The following GIMAP1 variants were observed in gnomAD, a reference collection of about 807,000 sequenced individuals.
GIMAP1 encodes the protein GTPase, IMAP family member 1.
For synonymous variants in GIMAP1, 230 were observed against 187.7 expected (o/e 1.23, Z -1.84); for missense variants, 423 against 411.9 (o/e 1.03, Z -0.23).
At position 150,720,232 on chromosome 7, in the gene GIMAP1, C is replaced by T. The variant is rs755995652; in HGVS notation, c.228C>T (p.Cys76=). The T allele has an allele frequency of 6.2e-7, 1 of 1,614,200 alleles. No individual in the cohort carries two copies. The highest frequency in any genetic ancestry group is 1.1e-5 in the South Asian group (1 of 91,084). The change falls in exon 3 of 3, where the codon TGC becomes TGT. Residue 76 remains cysteine (C), a synonymous_variant. Coordinates refer to ENST00000307194, the MANE Select transcript of GIMAP1 (RefSeq NM_130759.4). The surrounding 1 kb of genome is among the most constrained non-coding windows in gnomAD (Gnocchi z 4.5). ...CTTGSRRWDK[C]HVEVVDTPDI... The stretch of plus-strand genomic sequence containing the variant: ...CGGGCAGCCGCAGGTGGGACAAGTG[C>T]CACGTGGAAGTCGTGGACACTCCGG...
Position 150,720,772 on chromosome 7 carries a change from G to C in GIMAP1, c.768G>C (p.Trp256Cys). ...CAGCCAGGGTGCAGAGGAGGCCATGGGGCGCCTGGCTGTCGGCCCGGCTGT... is the reference window on the plus strand; with the variant it reads ...CAGCCAGGGTGCAGAGGAGGCCATGCGGCGCCTGGCTGTCGGCCCGGCTGT... ...RVAARVQRRPWGAWLSARLWK... is the reference protein window; with the variant it reads ...RVAARVQRRPCGAWLSARLWK... The change falls in exon 3 of 3, where the codon TGG becomes TGC. Residue 256 changes from tryptophan to cysteine, a missense_variant. Trp to Cys is a radical substitution (Grantham distance 215, BLOSUM62 -2). Transcript: ENST00000307194. This position sits in a 1 kb window ranked among gnomAD's most constrained non-coding sequence, Gnocchi z 4.5. 2 of 1,573,284 alleles carry C rather than the reference G, an allele frequency of 1.3e-6. No individual in the cohort carries two copies. Among genetic ancestry groups the C allele is most frequent in the Non-Finnish European group, 1.7e-6 (2 of 1,160,166 alleles).
rs887834902 is a variant in GIMAP1 at position 150,723,296 on chromosome 7, A to C, written c.*2371A>C. The C allele has an allele frequency of 1.3e-5, 2 of 152,152 alleles. No individual in the cohort carries two copies. The highest frequency in any genetic ancestry group is 4.8e-5 in the African/African-American group (2 of 41,434). The allele number at this position is 152,152 out of a possible 1,614,324, so 9.4% of individuals were successfully genotyped here. ...AGTGGGATCAACAAATGTTTGGAAA[A>C]TGAATTGTAAAGTTGACTTTCCTGT... On this transcript the variant is annotated 3_prime_UTR_variant, in exon 3 of 3. Transcript: ENST00000307194.
In GIMAP1 at chr7:150,720,025, G is replaced by A; in HGVS notation, c.44-23G>A. The stretch of plus-strand genomic sequence containing the variant: ...GGGGAAGTTGGTTAAACTTAAGTAA[G>A]ATTATAACACTTGGTCTCACAGGTT... On this transcript the variant is annotated intron_variant, in intron 2 of 2. Coordinates refer to ENST00000307194, the MANE Select transcript of GIMAP1 (RefSeq NM_130759.4). The surrounding 1 kb of genome is among the most constrained non-coding windows in gnomAD (Gnocchi z 4.5). 1.3e-6 allele frequency: 2 copies of A among 1,541,530 alleles called. No individual in the cohort carries two copies. The highest frequency in any genetic ancestry group is 1.7e-6 in the Non-Finnish European group (2 of 1,143,166).
In GIMAP1 at chr7:150,720,248, G is replaced by A. The variant is rs1318192766; in HGVS notation, c.244G>A (p.Asp82Asn). The A allele has an allele frequency of 6.2e-7, 1 of 1,614,182 alleles. No homozygotes were observed. ...RWDKCHVEVV[D>N]TPDIFSSQVS... ...GGACAAGTGCCACGTGGAAGTCGTG[G>A]ACACTCCGGACATTTTCAGCTCCCA... The change falls in exon 3 of 3, where the codon GAC becomes AAC. Residue 82 changes from aspartate to asparagine, a missense_variant. Coordinates refer to ENST00000307194, the MANE Select transcript of GIMAP1 (RefSeq NM_130759.4). This position sits in a 1 kb window ranked among gnomAD's most constrained non-coding sequence, Gnocchi z 4.5.
In GIMAP1 at chr7:150,720,559, C is replaced by A. The variant is rs1797284078; in HGVS notation, c.555C>A (p.Val185=). 1 of 1,613,394 alleles carries A rather than the reference C, an allele frequency of 6.2e-7. No homozygotes were observed. The highest frequency in any genetic ancestry group is 2.2e-5 in the East Asian group (1 of 44,874). The change falls in exon 3 of 3, where the codon GTC becomes GTA. Residue 185 remains valine (V), a synonymous_variant. Transcript: ENST00000307194. The surrounding 1 kb of genome is among the most constrained non-coding windows in gnomAD (Gnocchi z 4.5). The part of the protein sequence containing the change: ...RELVAECGGR[V]CAFDNRATGR... ...TGGTGGCCGAGTGCGGGGGCCGGGT[C>A]TGTGCCTTTGATAACCGGGCCACCG...
In GIMAP1 at chr7:150,720,615, T is replaced by G. The variant is rs778181702; in HGVS notation, c.611T>G (p.Leu204Arg). The G allele has an allele frequency of 1.9e-6, 3 of 1,613,610 alleles. No homozygotes were observed. Among genetic ancestry groups the G allele is most frequent in the Non-Finnish European group, 2.5e-6 (3 of 1,179,738 alleles). ...GAGCAGGAAGCCCAGGTGGAGCAGCTGCTGGGGATGGTCGAGGGCTTGGTG... is the reference window on the plus strand; with the variant it reads ...GAGCAGGAAGCCCAGGTGGAGCAGCGGCTGGGGATGGTCGAGGGCTTGGTG... ...GREQEAQVEQLLGMVEGLVLE... is the reference protein window; with the variant it reads ...GREQEAQVEQRLGMVEGLVLE... The change falls in exon 3 of 3, where the codon CTG becomes CGG. Residue 204 changes from leucine to arginine, a missense_variant. Coordinates refer to ENST00000307194, the MANE Select transcript of GIMAP1 (RefSeq NM_130759.4). This position sits in a 1 kb window ranked among gnomAD's most constrained non-coding sequence, Gnocchi z 4.5.
Position 150,720,486 on chromosome 7 carries a change from C to T in GIMAP1, c.482C>T (p.Ser161Phe), listed in dbSNP as rs1797282152. 7 of 1,577,224 alleles carry T rather than the reference C, an allele frequency of 4.4e-6. No homozygotes were observed. Among genetic ancestry groups the T allele is most frequent in the Admixed American group, 3.5e-5 (2 of 56,440 alleles). The change falls in exon 3 of 3, where the codon TCC becomes TTC. Residue 161 changes from serine to phenylalanine, a missense_variant. Ser to Phe is a radical substitution (Grantham distance 155). Coordinates refer to ENST00000307194, the MANE Select transcript of GIMAP1 (RefSeq NM_130759.4). This position sits in a 1 kb window ranked among gnomAD's most constrained non-coding sequence, Gnocchi z 4.5. ...AGGAAGGAGGACCTGGCCGGGGGCT[C>T]CCTGCACGATTACGTGAGCAACACA... Reference protein sequence around the residue: ...FTRKEDLAGGSLHDYVSNTEN... With the variant: ...FTRKEDLAGGFLHDYVSNTEN...
Position 150,720,820 on chromosome 7 carries a change from G to A in GIMAP1, c.816G>A (p.Arg272=), listed in dbSNP as rs778856058. 6 of 1,601,004 alleles carry A rather than the reference G, an allele frequency of 3.7e-6. No homozygotes were observed. The highest frequency in any genetic ancestry group is 5.1e-6 in the Non-Finnish European group (6 of 1,175,402). The change falls in exon 3 of 3, where the codon AGG becomes AGA. Residue 272 remains arginine (R), a synonymous_variant. Transcript: ENST00000307194. This position sits in a 1 kb window ranked among gnomAD's most constrained non-coding sequence, Gnocchi z 4.5. ...TGTGGAAGTGGCTGAAGTCCCCCAG[G>A]AGCTGGAGGCTGGGCCTGGCCCTGC... is the stretch of plus-strand genomic sequence containing the variant. The part of the protein sequence containing the change: ...ARLWKWLKSP[R]SWRLGLALLL...
At chr7:150,717,085 G>A (rs1483795157) in intron 1 of GIMAP1, among the ~76,000 whole-genome samples, 3 of 152,120 alleles carry the variant, frequency 2.0e-5, no homozygotes, top group African/African-American at 4.8e-5. Context: ...ATCTAACCTC[G>A]GAGTGAGTTA....
chr7:150,719,488 AGAGG>A (rs113605286), intron 2 of GIMAP1: 24,783 of 176,322 alleles, frequency 0.14, 2,234 homozygotes, highest in South Asian at 0.25. Flanking sequence ...AAGGAGAGAA[AGAGG>A]GAGAGAAAGA....
chr7:150,717,584 A>G (rs1265462341), intron 1 of GIMAP1, among the ~76,000 whole-genome samples: 1 of 152,130 alleles, frequency 6.6e-6, no homozygotes, highest in African/African-American at 2.4e-5. Context: ...ACTATTTAAA[A>G]TCATTTCAAC....
In GIMAP1 at chr7:150,720,822, G is replaced by C. The variant is rs1326554522; in HGVS notation, c.818G>C (p.Ser273Thr). The C allele has an allele frequency of 6.2e-7, 1 of 1,601,178 alleles. No homozygotes were observed. The highest frequency in any genetic ancestry group is 2.2e-5 in the East Asian group (1 of 44,494). Residue 273 changes from serine to threonine, a missense_variant, in exon 3 of 3, where the codon AGC becomes ACC. Physicochemically the swap from Ser to Thr is moderately conservative, Grantham distance 58. Coordinates refer to ENST00000307194, the MANE Select transcript of GIMAP1 (RefSeq NM_130759.4). This position sits in a 1 kb window ranked among gnomAD's most constrained non-coding sequence, Gnocchi z 4.5. ...RLWKWLKSPR[S>T]WRLGLALLLG... The stretch of plus-strand genomic sequence containing the variant: ...TGGAAGTGGCTGAAGTCCCCCAGGA[G>C]CTGGAGGCTGGGCCTGGCCCTGCTG...
rs542591520 is a variant in GIMAP1, at chr7:150,719,726, G to C, written c.44-322G>C. On this transcript the variant is annotated intron_variant, in intron 2 of 2. Transcript: ENST00000307194. ...GTATTGCCCCCACTGCCTGTCTCTG[G>C]GGATGGTCTCTGGGAGAATATTTCA... Among the ~76,000 whole-genome samples, 319 of 152,264 alleles carry C rather than the reference G, an allele frequency of 2.1e-3. 1 individual carries two copies. The highest frequency in any genetic ancestry group is 6.9e-3 in the African/African-American group (287 of 41,538).
In GIMAP1 at chr7:150,720,368, G is replaced by A; in HGVS notation, c.364G>A (p.Gly122Ser). The A allele has an allele frequency of 6.2e-7, 1 of 1,607,754 alleles. No homozygotes were observed. The highest frequency in any genetic ancestry group is 8.5e-7 in the Non-Finnish European group (1 of 1,176,018). Reference protein sequence around the residue: ...PHALLLVTQLGRFTAQDQQAV... With the variant: ...PHALLLVTQLSRFTAQDQQAV... ...CGCGCTGCTCCTGGTGACCCAGTTG[G>A]GTCGGTTCACCGCCCAGGACCAGCA... The change falls in exon 3 of 3, where the codon GGT (glycine) becomes AGT (serine). Residue 122 changes from glycine to serine, a missense_variant. By Grantham distance (56) the Gly-to-Ser change is moderately conservative (BLOSUM62 0). Transcript: ENST00000307194. This position sits in a 1 kb window ranked among gnomAD's most constrained non-coding sequence, Gnocchi z 4.5.
In GIMAP1 at chr7:150,721,858, TATC is replaced by T. The variant is rs1191258852; in HGVS notation, c.*934_*936del. Reference sequence around the variant, plus strand: ...AGGATATTGGGAAAATAACATATAATATCTTCTATATGGTTATTCATATTTTTA... The same window carrying T: ...AGGATATTGGGAAAATAACATATAATTTCTATATGGTTATTCATATTTTTA... On this transcript the variant is annotated 3_prime_UTR_variant, in exon 3 of 3. Transcript: ENST00000307194. 1.3e-5 allele frequency: 2 copies of T among 150,346 alleles called. No homozygotes were observed. Among genetic ancestry groups the T allele is most frequent in the East Asian group, 3.9e-4 (2 of 5,140 alleles). The allele number at this position is 150,346 out of a possible 1,614,324, so 9.3% of individuals were successfully genotyped here.
In GIMAP1 at chr7:150,720,392, C is replaced by A. The variant is rs367917043; in HGVS notation, c.388C>A (p.Gln130Lys). The A allele has an allele frequency of 2.1e-5, 34 of 1,594,226 alleles. No homozygotes were observed. The African/African-American group carries it at 2.7e-4, about 13-fold the overall frequency. The change falls in exon 3 of 3, where the codon CAG becomes AAG. Residue 130 changes from glutamine (Q) to lysine (K), a missense_variant. By Grantham distance (53) the Gln-to-Lys change is moderately conservative (BLOSUM62 1). Transcript: ENST00000307194. This position sits in a 1 kb window ranked among gnomAD's most constrained non-coding sequence, Gnocchi z 4.5. ...QLGRFTAQDQQAVRQVRDMFG... is the reference protein window; with the variant it reads ...QLGRFTAQDQKAVRQVRDMFG... ...GGGTCGGTTCACCGCCCAGGACCAG[C>A]AGGCGGTGAGGCAGGTGAGGGACAT...
chr7:150,718,098 G>A (rs1797243106), intron 1 of GIMAP1, among the ~76,000 whole-genome samples: 1 of 152,158 alleles, frequency 6.6e-6, no homozygotes, highest in Non-Finnish European at 1.5e-5. Context: ...GAGTGGGTTG[G>A]AAAGGCCCTG....
Position 150,720,317 on chromosome 7 carries a change from T to G in GIMAP1, c.313T>G (p.Tyr105Asp), listed in dbSNP as rs761556718. ...TGGCTGTGAGGAGAGAGGTCACTGCTACCTGCTCTCGGCCCCCGGACCCCA... is the reference window on the plus strand; with the variant it reads ...TGGCTGTGAGGAGAGAGGTCACTGCGACCTGCTCTCGGCCCCCGGACCCCA... ...DPGCEERGHC[Y>D]LLSAPGPHAL... Residue 105 changes from tyrosine (Y) to aspartate (D), a missense_variant, in exon 3 of 3, where the codon TAC becomes GAC. By Grantham distance (160) the Tyr-to-Asp change is radical. Coordinates refer to ENST00000307194, the MANE Select transcript of GIMAP1 (RefSeq NM_130759.4). This position sits in a 1 kb window ranked among gnomAD's most constrained non-coding sequence, Gnocchi z 4.5. 10 of 1,614,186 alleles carry G rather than the reference T, an allele frequency of 6.2e-6. No homozygotes were observed.
In GIMAP1 at chr7:150,720,112, A is replaced by G. The variant is rs1247793856; in HGVS notation, c.108A>G (p.Thr36=). The G allele has an allele frequency of 1.2e-6, 2 of 1,613,762 alleles. No individual in the cohort carries two copies. Among genetic ancestry groups the G allele is most frequent in the Non-Finnish European group, 1.7e-6 (2 of 1,180,004 alleles). The change falls in exon 3 of 3, where the codon ACA becomes ACG. Residue 36 remains threonine, a synonymous_variant. Coordinates refer to ENST00000307194, the MANE Select transcript of GIMAP1 (RefSeq NM_130759.4). The surrounding 1 kb of genome is among the most constrained non-coding windows in gnomAD (Gnocchi z 4.5). ...GGAGGCTCATCCTTGTTGGGAGAAC[A>G]GGGGCCGGGAAGAGCGCCACTGGGA... The part of the protein sequence containing the change: ...STRRLILVGR[T]GAGKSATGNS...
Sources: allele counts gnomAD v4.1 joint callset (sites outside exome capture counted in the v4.1 genomes callset), GRCh38; gene constraint gnomAD v4.1.1; non-coding constraint Gnocchi (gnomAD v3.1); transcripts MANE v1.5; gene names NCBI Gene and HGNC (gene_info 2026-07-23, HGNC 2026-07-21).